Variants in ANKRD55 observed in about 807,000 individuals in gnomAD.
The protein encoded by ANKRD55 is ankyrin repeat domain-containing protein 55.
ANKRD55 carries 41 observed loss-of-function variants against 60.6 expected under a neutral mutation model. The observed-to-expected ratio is 0.68, with a 90% CI of 0.53 to 0.88. The LOEUF is 0.88. ANKRD55 is among the 40% of genes least tolerant of loss of function. The probability of loss-of-function intolerance (pLI) is 0.00; values close to 1 mark genes in which losing one functional copy is unlikely to be tolerated. For synonymous variants in ANKRD55, 264 were observed against 290.3 expected, an observed-to-expected ratio of 0.91 and a Z score of 0.92; for missense variants, 732 against 767.6, an observed-to-expected ratio of 0.95 and a Z score of 0.55.
intron 2 of ANKRD55, among the ~76,000 whole-genome samples, chr5:56,228,972 C>G (rs1471290706): frequency 1.3e-5 from 2 of 152,160 alleles, no homozygotes; most frequent in African/African-American, 4.8e-5. Flanking sequence ...CGCTCAGCCT[C>G]GTCAGGCATA....
intron 3 of ANKRD55, among the ~76,000 whole-genome samples, chr5:56,181,371 T>G (rs1758845890): frequency 6.6e-6 from 1 of 152,188 alleles, no homozygotes; most frequent in African/African-American, 2.4e-5. Context: ...CTCTTCCTTA[T>G]GTTGAAGAAG....
chr5:56,183,984 G>GA (rs1758910720), intron 2 of ANKRD55, among the ~76,000 whole-genome samples: 2 of 152,184 alleles, frequency 1.3e-5, no homozygotes, highest in Admixed American at 1.3e-4. Context: ...TTTTGATCTG[G>GA]AACATGTTCC....
chr5:56,220,553 G>C (rs1023605047), intron 2 of ANKRD55, among the ~76,000 whole-genome samples: 1 of 152,174 alleles, frequency 6.6e-6, no homozygotes, highest in Non-Finnish European at 1.5e-5. Context: ...AGTGGCTCAC[G>C]CCTGTACTTC....
chr5:56,190,950 T>C (rs1759080227), intron 2 of ANKRD55, among the ~76,000 whole-genome samples: 1 of 152,252 alleles, frequency 6.6e-6, no homozygotes, highest in Admixed American at 6.5e-5. Context: ...AGTGGGAACA[T>C]TCAAGTCATA....
rs185745280 is a variant in ANKRD55, at chr5:56,102,863, G to A, written c.1631-277C>T. ...ACACTGGGTTACTCACCCCATAAAA[G>A]TTAAAGTTGAAAAAAAAGGAAATAA... On this transcript the variant is annotated intron_variant, in intron 10 of 11. Coordinates refer to ENST00000341048, the MANE Select transcript of ANKRD55 (RefSeq NM_024669.3). Among the ~76,000 whole-genome samples the A allele has an allele frequency of 9.2e-4, 140 of 151,992 alleles. No homozygotes were observed. Among genetic ancestry groups the A allele is most frequent in the Admixed American group, 1.8e-3 (28 of 15,276 alleles).
At chr5:56,225,109 G>A (rs990480612) in intron 2 of ANKRD55, among the ~76,000 whole-genome samples, 2 of 152,120 alleles carry the variant, frequency 1.3e-5, no homozygotes, top group Non-Finnish European at 2.9e-5. Context: ...ACCGAACCCA[G>A]CAGCACATCA....
chr5:56,109,006 C>T (rs953382028), intron 10 of ANKRD55, among the ~76,000 whole-genome samples: 1 of 151,592 alleles, frequency 6.6e-6, no homozygotes, highest in African/African-American at 2.4e-5. Flanking sequence ...CACTACACTC[C>T]AGCCTGGGTG....
chr5:56,176,389 G>C, intron 3 of ANKRD55, 107 bp from the exon 4 acceptor site: 1 of 1,306,324 alleles, frequency 7.7e-7, no homozygotes, highest in Non-Finnish European at 1.1e-6. Context: ...TACAAACCCA[G>C]CTGTTTGTAT....
chr5:56,162,150 C>T, intron 5 of ANKRD55: 1 of 436,850 alleles, frequency 2.3e-6, no homozygotes, highest in Non-Finnish European at 3.0e-6. Flanking sequence ...TACTCCTGAG[C>T]AGACAGAGAT....
At chr5:56,178,737 C>A (rs750676635) in intron 3 of ANKRD55, among the ~76,000 whole-genome samples, 15 of 151,870 alleles carry the variant, frequency 9.9e-5, no homozygotes, top group Non-Finnish European at 2.1e-4. Context: ...TGGGAAGATA[C>A]TATGTTTATG....
intron 2 of ANKRD55, among the ~76,000 whole-genome samples, chr5:56,219,701 T>G (rs1759914815): frequency 2.0e-5 from 3 of 152,348 alleles, no homozygotes; most frequent in African/African-American, 7.2e-5. Context: ...TGGTTAGTGG[T>G]CTTAGCCCCA....
chr5:56,106,453 T>C (rs1056564747), intron 10 of ANKRD55, among the ~76,000 whole-genome samples: 10 of 144,154 alleles, frequency 6.9e-5, no homozygotes, highest in Non-Finnish European at 1.4e-4. Flanking sequence ...TGAGACATAG[T>C]CTTGCTCTGT....
chr5:56,162,086 G>A (rs1166286901), intron 5 of ANKRD55: 2 of 975,606 alleles, frequency 2.1e-6, no homozygotes, highest in Non-Finnish European at 2.4e-6. Context: ...GACTGGGGGA[G>A]GAGGGAAGGG....
intron 6 of ANKRD55, among the ~76,000 whole-genome samples, chr5:56,154,275 G>A (rs1024746490): frequency 2.9e-4 from 42 of 143,618 alleles, no homozygotes; most frequent in African/African-American, 4.3e-4. Flanking sequence ...GAATTTAACT[G>A]TTACTCCCCG....
At chr5:56,111,964 C>A (rs116082417) in intron 9 of ANKRD55, among the ~76,000 whole-genome samples, 182 bp from the exon 10 acceptor site, 3 of 152,124 alleles carry the variant, frequency 2.0e-5, no homozygotes, top group Non-Finnish European at 2.9e-5. Flanking sequence ...CTGGCAATCC[C>A]GCCCAGAAGA....
rs1455022363 is a variant in ANKRD55 at position 56,176,193 on chromosome 5, C to T, written c.271G>A (p.Asp91Asn). ...CATAAACTTGTGCGGCCATAAGCAT[C>T]CTGCATGTTAATATTGGCTCCCATC... ...LKMGANINMQ[D>N]AYGRTSLCLA... Residue 91 changes from aspartate to asparagine, a missense_variant, in exon 4 of 12, where the codon GAT (aspartate) becomes AAT (asparagine). Coordinates refer to ENST00000341048, the MANE Select transcript of ANKRD55 (RefSeq NM_024669.3). 2 of 1,614,224 alleles carry T rather than the reference C, an allele frequency of 1.2e-6. No homozygotes were observed. Among genetic ancestry groups the T allele is most frequent in the East Asian group, 2.2e-5 (1 of 44,884 alleles).
chr5:56,227,524 C>T (rs1003179408), intron 2 of ANKRD55, among the ~76,000 whole-genome samples: 11 of 151,896 alleles, frequency 7.2e-5, no homozygotes, highest in African/African-American at 2.2e-4. Context: ...CCCTGCACAT[C>T]TGTGCGTGGG....
chr5:56,173,580 CTCTA>C lies in ANKRD55; in HGVS notation c.312+2568_312+2571del, dbSNP rs1167082917. ...TCTCTCTCTCTCTCTCTCTCTCTCT[CTCTA>C]TATATATATATATATATATATATCT... is the stretch of plus-strand genomic sequence containing the variant. On this transcript the variant is annotated intron_variant, in intron 4 of 11. Transcript: ENST00000341048. 8.8e-3 allele frequency among the ~76,000 whole-genome samples: 525 copies of C among 59,722 alleles called. 1 individual carries two copies. The highest frequency in any genetic ancestry group is 0.014 in the East Asian group (24 of 1,672). The allele number at this position is 59,722 out of a possible 152,430, so 39.2% of individuals were successfully genotyped here. A position where few individuals can be genotyped will look rare whatever the true frequency, so the allele number is the denominator to read the frequency against.
intron 2 of ANKRD55, among the ~76,000 whole-genome samples, chr5:56,188,411 A>G (rs1411385921): frequency 6.6e-6 from 1 of 152,124 alleles, no homozygotes; most frequent in Non-Finnish European, 1.5e-5. Context: ...GCCTAGGTCA[A>G]TCTCCCGAAG....
Sources: gnomAD v4.1 joint callset for allele counts (sites outside exome capture counted in the v4.1 genomes callset) on GRCh38, gnomAD v4.1.1 for gene constraint, MANE v1.5 for transcripts, NCBI Gene and HGNC (gene_info 2026-07-23, HGNC 2026-07-21) for gene names.